The following SORCS2 variants were observed in gnomAD, a reference collection of about 807,000 sequenced individuals.
SORCS2 encodes VPS10 domain-containing receptor SorCS2.
A neutral mutation model predicts 141.6 loss-of-function variants in SORCS2; 100 were observed. The ratio of observed to expected loss-of-function variants is 0.71; its 90% CI spans 0.60 to 0.83. The LOEUF is 0.83. SORCS2 is among the 40% of genes least tolerant of loss of function. The pLI is 0.00. For synonymous variants in SORCS2, 789 were observed against 676.9 expected, an observed-to-expected ratio of 1.17 and a Z score of -2.57; for missense variants, 1,646 against 1,560.2, an observed-to-expected ratio of 1.05 and a Z score of -0.93.
chr4:7,285,997 C>T (rs1023232494), intron 1 of SORCS2, among the ~76,000 whole-genome samples: 10 of 152,150 alleles, frequency 6.6e-5, no homozygotes, highest in Non-Finnish European at 1.2e-4. Context: ...GCACGGCGGC[C>T]GGCACCGTGC....
intron 3 of SORCS2, among the ~76,000 whole-genome samples, chr4:7,613,007 G>A (rs1046622845): frequency 5.3e-5 from 8 of 151,064 alleles, no homozygotes; most frequent in African/African-American, 1.7e-4. Flanking sequence ...CCAACTGACT[G>A]CAAGCCCCTC....
intron 1 of SORCS2, among the ~76,000 whole-genome samples, chr4:7,314,816 T>TTTTTTTTTTTTG: frequency 9.3e-6 from 1 of 107,564 alleles, no homozygotes; most frequent in East Asian, 3.6e-4. Context: ...TTTTTTTTTT[T>TTTTTTTTTTTTG]TTTTTTTTTT....
chr4:7,714,455 A>C, intron 16 of SORCS2, 82 bp downstream of exon 16: 2 of 1,465,500 alleles, frequency 1.4e-6, no homozygotes, highest in African/African-American at 1.4e-5. Context: ...CCTCAGAGTG[A>C]GGGAGGAAGC....
intron 2 of SORCS2, among the ~76,000 whole-genome samples, chr4:7,468,875 C>A (rs966191495): frequency 2.0e-5 from 3 of 152,220 alleles, no homozygotes; most frequent in Admixed American, 1.3e-4. Flanking sequence ...TGTTGTCAGG[C>A]AGCTCTGTGT....
At chr4:7,629,436 G>T (rs1719732975) in intron 3 of SORCS2, among the ~76,000 whole-genome samples, 1 of 151,960 alleles carries the variant, frequency 6.6e-6, no homozygotes, top group Non-Finnish European at 1.5e-5. Flanking sequence ...GCTGTGGCAG[G>T]GCAGGCCCAG....
At chr4:7,526,507 G>A (rs911454902) in intron 2 of SORCS2, among the ~76,000 whole-genome samples, 2 of 152,118 alleles carry the variant, frequency 1.3e-5, no homozygotes, top group African/African-American at 2.4e-5. Flanking sequence ...GCCAGGAGGC[G>A]GGCGGGGTGA....
At chr4:7,368,254 G>A (rs1434979521) in intron 1 of SORCS2, among the ~76,000 whole-genome samples, 4 of 152,214 alleles carry the variant, frequency 2.6e-5, no homozygotes, top group African/African-American at 9.7e-5. Context: ...GGCTGGAGCT[G>A]GCATCAGCAA....
chr4:7,303,898 G>A (rs983214590), intron 1 of SORCS2, among the ~76,000 whole-genome samples: 5 of 152,250 alleles, frequency 3.3e-5, no homozygotes, highest in Non-Finnish European at 1.5e-5. Flanking sequence ...GAGAAAGGAT[G>A]GCAGGGGCCT....
intron 2 of SORCS2, 47 bp downstream of exon 2, chr4:7,396,402 A>G (rs2109113705): frequency 6.3e-7 from 1 of 1,596,548 alleles, no homozygotes; most frequent in Non-Finnish European, 8.6e-7. Flanking sequence ...CCTGCGTGCC[A>G]TCTTCCCAGG....
At position 7,703,366 on chromosome 4, in the gene SORCS2, C is replaced by T. The variant is rs2285784; in HGVS notation, c.1755C>T (p.Ile585=). ...AAGACACCTCCATCCCTTTGAAGAT[C>T]CTCAAGTAATGGCGTCTGCTAGCCC... is the stretch of plus-strand genomic sequence containing the variant. ...AIKDTSIPLK[I]LKFSVDEGLT... is the part of the protein sequence containing the mutation. The change falls in exon 13 of 27, where the codon ATC becomes ATT. Residue 585 remains isoleucine (I), a synonymous_variant. Coordinates refer to ENST00000507866, the MANE Select transcript of SORCS2 (RefSeq NM_020777.3). The T allele has an allele frequency of 6.2e-7, 1 of 1,612,628 alleles. No homozygotes were observed. The highest frequency in any genetic ancestry group is 8.5e-7 in the Non-Finnish European group (1 of 1,179,368).
intron 1 of SORCS2, among the ~76,000 whole-genome samples, chr4:7,338,421 A>T (rs112324087): frequency 1.3e-4 from 20 of 148,676 alleles, no homozygotes; most frequent in African/African-American, 4.0e-4. Flanking sequence ...GTTGGATGGA[A>T]GGATGGATGG....
chr4:7,264,855 C>A (rs1259822072), intron 1 of SORCS2, among the ~76,000 whole-genome samples: 2 of 152,224 alleles, frequency 1.3e-5, no homozygotes, highest in Non-Finnish European at 2.9e-5. Context: ...GAGCCAGAGG[C>A]CCCCGGCGAT....
intron 3 of SORCS2, among the ~76,000 whole-genome samples, chr4:7,597,633 G>T: frequency 6.7e-6 from 1 of 148,496 alleles, no homozygotes; most frequent in Middle Eastern, 3.3e-3. Context: ...TTGTTAAAGG[G>T]AAGGGGGCTA....
At chr4:7,270,494 G>T (rs1715049978) in intron 1 of SORCS2, among the ~76,000 whole-genome samples, 1 of 152,220 alleles carries the variant, frequency 6.6e-6, no homozygotes, top group Non-Finnish European at 1.5e-5. Context: ...TTCCTCTGAG[G>T]GAGTTTGGTG....
chr4:7,609,231 G>A (rs1255066442), intron 3 of SORCS2, among the ~76,000 whole-genome samples: 2 of 152,166 alleles, frequency 1.3e-5, no homozygotes, highest in Non-Finnish European at 2.9e-5. Flanking sequence ...TTTTCAAGGT[G>A]AGTAACAATC....
chr4:7,720,552 TAAG>T (rs1726520506), intron 18 of SORCS2, among the ~76,000 whole-genome samples: 1 of 152,174 alleles, frequency 6.6e-6, no homozygotes, highest in Non-Finnish European at 1.5e-5. Flanking sequence ...ACACCCATGT[TAAG>T]AAGATGAAAG....
At chr4:7,561,775 C>A (rs1055733171) in intron 3 of SORCS2, among the ~76,000 whole-genome samples, 2 of 152,060 alleles carry the variant, frequency 1.3e-5, no homozygotes, top group African/African-American at 4.8e-5. Flanking sequence ...ATCCATCTGT[C>A]CATCTGTCCA....
At chr4:7,375,470 C>G (rs1722580000) in intron 1 of SORCS2, among the ~76,000 whole-genome samples, 1 of 152,202 alleles carries the variant, frequency 6.6e-6, no homozygotes, top group South Asian at 2.1e-4. Flanking sequence ...GGTGGGATTT[C>G]TGAAGCAAGA....
intron 18 of SORCS2, among the ~76,000 whole-genome samples, chr4:7,721,705 C>T (rs916279059): frequency 3.3e-5 from 5 of 152,126 alleles, no homozygotes; most frequent in African/African-American, 7.2e-5. Flanking sequence ...AAAGGGCACC[C>T]GGTGGGGTCC....
Sources: gnomAD v4.1 joint callset for allele counts (sites outside exome capture counted in the v4.1 genomes callset) on GRCh38, gnomAD v4.1.1 for gene constraint, MANE v1.5 for transcripts, NCBI Gene and HGNC (gene_info 2026-07-23, HGNC 2026-07-21) for gene names.